ENTREP2: variants seen among roughly 807,000 people sequenced by gnomAD.
The protein encoded by ENTREP2 is endosomal transmembrane epsin interactor 2, also known as protein ENTREP2.
chr15:29,469,252 T>C, the ENTREP2 span, among the ~76,000 whole-genome samples: 1 of 152,194 alleles, frequency 6.6e-6, no homozygotes, highest in African/African-American at 2.4e-5. Context: ...CAGGCTGGAG[T>C]ACAGTGGCGT....
At chr15:29,655,788 G>C in the ENTREP2 span, among the ~76,000 whole-genome samples, 1 of 152,242 alleles carries the variant, frequency 6.6e-6, no homozygotes, top group South Asian at 2.1e-4. Flanking sequence ...CACTTGAGGA[G>C]GCCAAGGGGG....
At chr15:29,398,625 GA>G in the ENTREP2 span, among the ~76,000 whole-genome samples, 1 of 152,212 alleles carries the variant, frequency 6.6e-6, no homozygotes, top group South Asian at 2.1e-4. Context: ...TCGGGAGGCT[GA>G]GGCAGGAGAA....
chr15:29,457,371 A>G, the ENTREP2 span, among the ~76,000 whole-genome samples: 1 of 152,258 alleles, frequency 6.6e-6, no homozygotes, highest in Non-Finnish European at 1.5e-5. Flanking sequence ...AAATACAAGC[A>G]TGAGCAAGGT....
At chr15:29,159,441 G>C in the ENTREP2 span, among the ~76,000 whole-genome samples, 1 of 152,168 alleles carries the variant, frequency 6.6e-6, no homozygotes. Flanking sequence ...GAAAAGGACA[G>C]GGCCGGGTTG....
At chr15:29,427,099 G>A in the ENTREP2 span, among the ~76,000 whole-genome samples, 1 of 152,112 alleles carries the variant, frequency 6.6e-6, no homozygotes, top group Non-Finnish European at 1.5e-5. Context: ...TATATTTAAA[G>A]CAAACTAGCA....
At chr15:29,472,220 T>C in the ENTREP2 span, among the ~76,000 whole-genome samples, 1 of 152,026 alleles carries the variant, frequency 6.6e-6, no homozygotes, top group South Asian at 2.1e-4. Flanking sequence ...GACGCTTAAA[T>C]GCTGAAGCCA....
At chr15:29,222,114 A>AG in the ENTREP2 span, among the ~76,000 whole-genome samples, 1 of 152,146 alleles carries the variant, frequency 6.6e-6, no homozygotes, top group Non-Finnish European at 1.5e-5. Flanking sequence ...ATGAGGTAGG[A>AG]GGTCAGCACA....
the ENTREP2 span, among the ~76,000 whole-genome samples, chr15:29,544,747 G>T: frequency 6.6e-6 from 1 of 152,242 alleles, no homozygotes; most frequent in African/African-American, 2.4e-5. Context: ...AATTTCTTAA[G>T]GTCTAACACT....
At chr15:29,570,947 C>A in the ENTREP2 span, among the ~76,000 whole-genome samples, 6 of 144,718 alleles carry the variant, frequency 4.1e-5, no homozygotes, top group Non-Finnish European at 7.6e-5. Flanking sequence ...GCCGCCGCGC[C>A]GCCCGCCCGC....
At chr15:29,158,392 A>G in the ENTREP2 span, among the ~76,000 whole-genome samples, 1 of 143,100 alleles carries the variant, frequency 7.0e-6, no homozygotes, top group Non-Finnish European at 1.5e-5. Context: ...GGCTTAAATG[A>G]CATTATCTCT....
the ENTREP2 span, chr15:29,375,293 C>G: frequency 6.6e-6 from 1 of 152,334 alleles, no homozygotes; most frequent in Non-Finnish European, 1.5e-5. Flanking sequence ...GCACTTTTGT[C>G]TCTAGTCCTC....
At chr15:29,126,363 G>A in the ENTREP2 span, 8 of 1,542,642 alleles carry the variant, frequency 5.2e-6, no homozygotes, top group Admixed American at 2.0e-5. Context: ...GGATCCTCTG[G>A]AGACACATGG....
the ENTREP2 span, among the ~76,000 whole-genome samples, chr15:29,482,963 G>GA: frequency 1.3e-5 from 2 of 152,198 alleles, no homozygotes; most frequent in Non-Finnish European, 2.9e-5. Flanking sequence ...CACCAACAAT[G>GA]AATGAGACTC....
chr15:29,535,926 CAG>C, the ENTREP2 span, among the ~76,000 whole-genome samples: 1 of 152,208 alleles, frequency 6.6e-6, no homozygotes, highest in South Asian at 2.1e-4. Context: ...ATCCAAGACA[CAG>C]GGGCTAGTCG....
the ENTREP2 span, among the ~76,000 whole-genome samples, chr15:29,490,555 T>C: frequency 1.3e-5 from 2 of 152,148 alleles, no homozygotes; most frequent in African/African-American, 4.8e-5. Flanking sequence ...AATTGGTCTG[T>C]TTTGACAGGG....
the ENTREP2 span, among the ~76,000 whole-genome samples, chr15:29,550,524 C>T: frequency 0.043 from 6,606 of 152,208 alleles, 492 homozygotes; most frequent in African/African-American, 0.15. Flanking sequence ...GTTACCAAAG[C>T]GAGTAAAAAT....
At chr15:29,443,284 T>G in the ENTREP2 span, among the ~76,000 whole-genome samples, 1 of 152,050 alleles carries the variant, frequency 6.6e-6, no homozygotes, top group African/African-American at 2.4e-5. Context: ...CTTCCAACAT[T>G]CCCCACCCAC....
At chr15:29,151,189 G>A in the ENTREP2 span, among the ~76,000 whole-genome samples, 22,600 of 152,022 alleles carry the variant, frequency 0.15, 3,092 homozygotes, top group African/African-American at 0.36. Flanking sequence ...CATGCTCCGG[G>A]CCTCCTCGCT....
the ENTREP2 span, among the ~76,000 whole-genome samples, chr15:29,244,993 GC>G: frequency 6.6e-6 from 1 of 152,180 alleles, no homozygotes; most frequent in East Asian, 1.9e-4. Context: ...AACAGTTTTA[GC>G]CACAGCAACT....
Sources: allele counts gnomAD v4.1 joint callset (sites outside exome capture counted in the v4.1 genomes callset), GRCh38; gene constraint gnomAD v4.1.1; transcripts MANE v1.5; gene names NCBI Gene and HGNC (gene_info 2026-07-23, HGNC 2026-07-21).